MRPS22: variants seen among roughly 807,000 people sequenced by gnomAD.
MRPS22 encodes the protein mitochondrial ribosomal protein S22.
MRPS22 carries 30 observed loss-of-function variants against 44.0 expected under a neutral mutation model. The ratio of observed to expected loss-of-function variants is 0.68; its 90% CI spans 0.51 to 0.93. MRPS22 has a LOEUF of 0.93. Among genes scored for constraint, MRPS22 ranks in the 40% least tolerant of loss-of-function variants. MRPS22 has a pLI of 0.00. For synonymous variants in MRPS22, 165 were observed against 154.4 expected (o/e 1.07, Z -0.51); for missense variants, 447 against 447.8 (o/e 1.00, Z 0.02).
At position 139,355,652 on chromosome 3, in the gene MRPS22, C is replaced by G. The variant is rs781519341; in HGVS notation, c.879-30C>G. The G allele has an allele frequency of 3.9e-6, 6 of 1,546,980 alleles. No individual in the cohort carries two copies. In the East Asian group the frequency reaches 1.1e-4, roughly 29 times the overall value. On this transcript the variant is annotated intron_variant, in intron 6 of 7. Coordinates refer to ENST00000680020, the MANE Select transcript of MRPS22 (RefSeq NM_020191.4). The stretch of plus-strand genomic sequence containing the variant: ...ACTGTGAATCAAATGAAGAAAACCC[C>G]TAGATAACATTAAACCCTTTCATTC...
chr3:139,356,572 A>AAAG (rs1408461805), intron 7 of MRPS22, among the ~76,000 whole-genome samples: 4 of 152,352 alleles, frequency 2.6e-5, no homozygotes, highest in Middle Eastern at 3.4e-3. Flanking sequence ...AATATTCTTT[A>AAAG]AAGTCAAAAG....
Position 139,346,862 on chromosome 3 carries a change from C to T in MRPS22, c.173-16C>T. Reference sequence around the variant, plus strand: ...GTCATTTTTGTCAGCTTCTTATTTACTAAAGTCCATTTTAGCAGAATCTGG... The same window carrying T: ...GTCATTTTTGTCAGCTTCTTATTTATTAAAGTCCATTTTAGCAGAATCTGG... On this transcript the variant is annotated splice_polypyrimidine_tract_variant and intron_variant, in intron 1 of 7. Coordinates refer to ENST00000680020, the MANE Select transcript of MRPS22 (RefSeq NM_020191.4). 1 of 1,613,926 alleles carries T rather than the reference C, an allele frequency of 6.2e-7. No individual in the cohort carries two copies. The highest frequency in any genetic ancestry group is 8.5e-7 in the Non-Finnish European group (1 of 1,179,880).
At position 139,355,710 on chromosome 3, in the gene MRPS22, C is replaced by T. The variant is rs1164169388; in HGVS notation, c.907C>T (p.Leu303=). ...LIDDATNLVQ[L]YHVLHPDGQS... Reference sequence around the variant, plus strand: ...CGATGATGCAACCAACTTGGTCCAGCTGTATCACGTGCTCCATCCAGATGG... The same window carrying T: ...CGATGATGCAACCAACTTGGTCCAGTTGTATCACGTGCTCCATCCAGATGG... Residue 303 remains leucine (L), a synonymous_variant, in exon 7 of 8, where the codon CTG becomes TTG. Coordinates refer to ENST00000680020, the MANE Select transcript of MRPS22 (RefSeq NM_020191.4). The T allele has an allele frequency of 6.2e-7, 1 of 1,614,142 alleles. No homozygotes were observed. The highest frequency in any genetic ancestry group is 8.5e-7 in the Non-Finnish European group (1 of 1,179,990).
In MRPS22 at chr3:139,351,060, G is replaced by A. The variant is rs755022329; in HGVS notation, c.732G>A (p.Lys244=). 1.2e-5 allele frequency: 20 copies of A among 1,612,076 alleles called. No individual in the cohort carries two copies. Among genetic ancestry groups the A allele is most frequent in the Non-Finnish European group, 1.4e-5 (17 of 1,178,268 alleles). ...QFEPDSTEYI[K]VHHKTYEDID... ...AGCCAGATTCCACAGAGTATATCAA[G>A]GTGAGTAGATTTTAGTTTCTAAAAT... Residue 244 remains lysine (K), a splice_region_variant and synonymous_variant, in exon 5 of 8, where the codon AAG becomes AAA. Coordinates refer to ENST00000680020, the MANE Select transcript of MRPS22 (RefSeq NM_020191.4).
Position 139,344,173 on chromosome 3 carries a change from ACGC to A in MRPS22, c.153_155del (p.Arg52del), listed in dbSNP as rs759950443. On this transcript the variant is annotated inframe_deletion, in exon 1 of 8. Transcript: ENST00000680020. ...CTTGCTCTTTCGAGATGGGGCTGCC[ACGC>A]CGCCGGTTCAGCTCCGAGGCCGGTA... The A allele has an allele frequency of 1.9e-6, 3 of 1,611,390 alleles. No homozygotes were observed. Among genetic ancestry groups the A allele is most frequent in the Non-Finnish European group, 2.5e-6 (3 of 1,179,222 alleles).
At chr3:139,353,398 A>G (rs1041523568) in intron 6 of MRPS22, among the ~76,000 whole-genome samples, 3 of 152,206 alleles carry the variant, frequency 2.0e-5, no homozygotes, top group African/African-American at 7.2e-5. Flanking sequence ...GCATCTTTCT[A>G]TCAGTTGATT....
At position 139,350,321 on chromosome 3, in the gene MRPS22, G is replaced by T; in HGVS notation, c.647G>T (p.Arg216Met). The change falls in exon 4 of 8, where the codon AGG becomes ATG. Residue 216 changes from arginine (R) to methionine (M), a missense_variant and splice_region_variant. Coordinates refer to ENST00000680020, the MANE Select transcript of MRPS22 (RefSeq NM_020191.4). ...TPIIFKEENL[R>M]TMYSQDRHVD... ...ATAATTTTCAAGGAAGAAAATCTTAGGGTAAGGTGACTTAGGTTTTATGTT... is the reference window on the plus strand; with the variant it reads ...ATAATTTTCAAGGAAGAAAATCTTATGGTAAGGTGACTTAGGTTTTATGTT... 6.2e-7 allele frequency: 1 copy of T among 1,614,030 alleles called. No individual in the cohort carries two copies.
intron 6 of MRPS22, among the ~76,000 whole-genome samples, chr3:139,355,008 TG>T (rs1487233811): frequency 6.6e-6 from 1 of 152,226 alleles, no homozygotes; most frequent in African/African-American, 2.4e-5. Flanking sequence ...CCAGAAGAAC[TG>T]AATTCTTGTT....
intron 6 of MRPS22, among the ~76,000 whole-genome samples, chr3:139,354,010 T>C (rs543563300): frequency 3.9e-5 from 6 of 152,358 alleles, no homozygotes; most frequent in Non-Finnish European, 8.8e-5. Flanking sequence ...TCATCACATG[T>C]AAGCTTTACA....
At chr3:139,350,545 A>G in intron 4 of MRPS22, 1 of 522,010 alleles carries the variant, frequency 1.9e-6, no homozygotes, top group Non-Finnish European at 3.4e-6. Context: ...CTTCTGCCTC[A>G]GCCTCATGAG....
rs1359480999 is a variant in MRPS22, at chr3:139,356,780, G to T, written c.988-139G>T. On this transcript the variant is annotated intron_variant, in intron 7 of 7. Coordinates refer to ENST00000680020, the MANE Select transcript of MRPS22 (RefSeq NM_020191.4). Reference sequence around the variant, plus strand: ...TTTATTAATTATTGTATAATCGGGGGAAAAATTGTGAAATCTGAAAGCCCT... The same window carrying T: ...TTTATTAATTATTGTATAATCGGGGTAAAAATTGTGAAATCTGAAAGCCCT... The T allele has an allele frequency of 4.6e-6, 3 of 648,670 alleles. No homozygotes were observed. In the Admixed American group the frequency reaches 8.4e-5, roughly 18 times the overall value. 40.2% of individuals were successfully genotyped at this position (648,670 alleles called of 1,614,324 possible).
chr3:139,345,438 G>GTTT (rs55710231), intron 1 of MRPS22, among the ~76,000 whole-genome samples: 114 of 121,536 alleles, frequency 9.4e-4, no homozygotes, highest in African/African-American at 1.4e-3. Context: ...TGCCAGTGGT[G>GTTT]TTTTTTTTTT....
At chr3:139,350,669 G>A (rs1941129933) in intron 4 of MRPS22, 3 of 315,890 alleles carry the variant, frequency 9.5e-6, no homozygotes, top group East Asian at 1.3e-4. Flanking sequence ...CTCGGGATTC[G>A]CACCCCCCCC....
chr3:139,353,991 T>C (rs1941199167), intron 6 of MRPS22, among the ~76,000 whole-genome samples: 1 of 152,268 alleles, frequency 6.6e-6, no homozygotes, highest in Non-Finnish European at 1.5e-5. Flanking sequence ...TATGATATTA[T>C]AGTATTACTC....
Position 139,348,300 on chromosome 3 carries a change from T to C in MRPS22, c.480T>C (p.Asp160=). ...AAACAACCAAATATGTGTTTACTGATATATCATATAGCATACCACACCGGG... is the reference window on the plus strand; with the variant it reads ...AAACAACCAAATATGTGTTTACTGACATATCATATAGCATACCACACCGGG... The part of the protein sequence containing the change: ...GTETTKYVFT[D]ISYSIPHRER... Residue 160 remains aspartate, a synonymous_variant, in exon 3 of 8, where the codon GAT becomes GAC. Coordinates refer to ENST00000680020, the MANE Select transcript of MRPS22 (RefSeq NM_020191.4). The C allele has an allele frequency of 6.2e-7, 1 of 1,614,094 alleles. No homozygotes were observed. Among genetic ancestry groups the C allele is most frequent in the Admixed American group, 1.7e-5 (1 of 60,028 alleles).
chr3:139,348,049 C>A, intron 2 of MRPS22, 111 bp from the exon 3 acceptor site: 1 of 1,133,660 alleles, frequency 8.8e-7, no homozygotes. Context: ...TGTGGCTACA[C>A]CTTCTTTTCT....
intron 6 of MRPS22, among the ~76,000 whole-genome samples, chr3:139,353,229 TG>T (rs1941184621): frequency 6.6e-6 from 1 of 152,250 alleles, no homozygotes; most frequent in Non-Finnish European, 1.5e-5. Context: ...CCCTTGCTTT[TG>T]CAAGATTTTT....
At chr3:139,353,656 A>G (rs1941192593) in intron 6 of MRPS22, among the ~76,000 whole-genome samples, 2 of 152,224 alleles carry the variant, frequency 1.3e-5, no homozygotes, top group Admixed American at 6.5e-5. Flanking sequence ...CCATACTTGG[A>G]AAAAGGGCAT....
chr3:139,350,858 T>G, intron 4 of MRPS22, 119 bp from the exon 5 acceptor site: 7 of 798,552 alleles, frequency 8.8e-6, no homozygotes, highest in Non-Finnish European at 6.8e-6. Flanking sequence ...GTTCTTTCTT[T>G]ATGCTTCTTG....
Sources: gnomAD v4.1 joint callset for allele counts (sites outside exome capture counted in the v4.1 genomes callset) on GRCh38, gnomAD v4.1.1 for gene constraint, MANE v1.5 for transcripts, NCBI Gene and HGNC (gene_info 2026-07-23, HGNC 2026-07-21) for gene names.